ELP3: variants seen among roughly 807,000 people sequenced by gnomAD.
ELP3 encodes elongator complex protein 3.
A neutral mutation model predicts 74.9 loss-of-function variants in ELP3; 56 were observed. The observed-to-expected ratio is 0.75, with a 90% CI of 0.60 to 0.93. The LOEUF (loss-of-function observed/expected upper bound fraction) is 0.93, where lower values mean the gene tolerates loss of function less well. Among genes scored for constraint, ELP3 ranks in the 40% least tolerant of loss-of-function variants. ELP3 has a pLI of 0.00. For synonymous variants in ELP3, 222 were observed against 239.8 expected, an observed-to-expected ratio of 0.93 and a Z score of 0.68; for missense variants, 573 against 686.5, an observed-to-expected ratio of 0.83 and a Z score of 1.85.
chr8:28,152,277 G>C (rs968065405), intron 10 of ELP3, among the ~76,000 whole-genome samples: 4 of 152,184 alleles, frequency 2.6e-5, no homozygotes. Flanking sequence ...CCAGAAACTG[G>C]AAGTCCCTTC....
Position 28,160,376 on chromosome 8 carries a change from G to A in ELP3, c.1405G>A (p.Val469Ile). Residue 469 changes from valine to isoleucine, a missense_variant, in exon 13 of 15, where the codon GTC becomes ATC. Transcript: ENST00000256398. ...TTTCCGTTTCGAATTGGGTGGAGGT[G>A]TCTCCATAGTACGAGAGCTGCATGT... ...ETFRFELGGG[V>I]SIVRELHVYG... 1 of 1,614,194 alleles carries A rather than the reference G, an allele frequency of 6.2e-7. No individual in the cohort carries two copies. The highest frequency in any genetic ancestry group is 8.5e-7 in the Non-Finnish European group (1 of 1,180,030).
intron 14 of ELP3, among the ~76,000 whole-genome samples, chr8:28,163,579 T>C (rs1416675657): frequency 6.6e-6 from 1 of 152,094 alleles, no homozygotes; most frequent in Non-Finnish European, 1.5e-5. Flanking sequence ...TTTTCTGTTA[T>C]CTTTCATCGC....
chr8:28,119,240 A>G (rs1226052801), intron 7 of ELP3, among the ~76,000 whole-genome samples: 1 of 152,150 alleles, frequency 6.6e-6, no homozygotes, highest in Non-Finnish European at 1.5e-5. Context: ...ATAGGATACA[A>G]TCTTAGTCAC....
intron 10 of ELP3, among the ~76,000 whole-genome samples, chr8:28,153,043 C>G (rs1047929056): frequency 6.6e-6 from 1 of 151,926 alleles, no homozygotes; most frequent in African/African-American, 2.4e-5. Flanking sequence ...GGTCCTACAT[C>G]CTACCTTTGA....
chr8:28,097,661 G>T (rs1277619542), intron 2 of ELP3, among the ~76,000 whole-genome samples: 3 of 152,066 alleles, frequency 2.0e-5, no homozygotes, highest in African/African-American at 7.2e-5. Context: ...CTCCCAAAGT[G>T]CTGGGATTAC....
chr8:28,164,286 G>A (rs990960182), intron 14 of ELP3, among the ~76,000 whole-genome samples: 1 of 152,130 alleles, frequency 6.6e-6, no homozygotes, highest in Non-Finnish European at 1.5e-5. Flanking sequence ...ATCAGCATCT[G>A]CCCTCTTTCT....
upstream of ELP3, chr8:28,090,385 G>A (rs113517653): frequency 2.6e-6 from 1 of 381,480 alleles, no homozygotes; most frequent in Admixed American, 3.1e-5. Flanking sequence ...CGGTCTGGTG[G>A]TGAATCCTCC....
chr8:28,113,040 G>C lies in ELP3; in HGVS notation c.484G>C (p.Val162Leu). 6.2e-7 allele frequency: 1 copy of C among 1,613,478 alleles called. No individual in the cohort carries two copies. Among genetic ancestry groups the C allele is most frequent in the Non-Finnish European group, 8.5e-7 (1 of 1,179,754 alleles). The change falls in exon 7 of 15, where the codon GTG (valine) becomes CTG (leucine). Residue 162 changes from valine to leucine, a missense_variant. Val to Leu is a conservative substitution (Grantham distance 32). Coordinates refer to ENST00000256398, the MANE Select transcript of ELP3 (RefSeq NM_018091.6). ...IEQLKQLGHS[V>L]DKVEFIVMGG... ...TCAGTTAAAACAACTTGGTCATAGT[G>C]TGGATAAAGTGGAGTTTATTGTGAT...
rs934760697 is a variant in ELP3, at chr8:28,134,249, G to C, written c.906+1845G>C. 2.0e-5 allele frequency among the ~76,000 whole-genome samples: 3 copies of C among 152,138 alleles called. No individual in the cohort carries two copies. The East Asian group carries it at 5.8e-4, about 29-fold the overall frequency. ...AGTTTAAGTGCTCCTGAAAAATATA[G>C]TATGTTTCATACTGTAGGAAGCCAT... is the stretch of plus-strand genomic sequence containing the variant. On this transcript the variant is annotated intron_variant, in intron 9 of 14. Coordinates refer to ENST00000256398, the MANE Select transcript of ELP3 (RefSeq NM_018091.6).
intron 3 of ELP3, among the ~76,000 whole-genome samples, chr8:28,101,613 A>G (rs1811492059): frequency 6.8e-6 from 1 of 146,480 alleles, no homozygotes; most frequent in African/African-American, 2.5e-5. Flanking sequence ...TTTACCTGAG[A>G]CAGTCTTGTT....
At chr8:28,155,621 C>G (rs569590024) in intron 10 of ELP3, among the ~76,000 whole-genome samples, 1 of 152,322 alleles carries the variant, frequency 6.6e-6, no homozygotes, top group Non-Finnish European at 1.5e-5. Flanking sequence ...GTACAAATGT[C>G]TCTTTACTCA....
chr8:28,090,884 G>C (rs1305510713), upstream of ELP3, among the ~76,000 whole-genome samples: 2 of 150,032 alleles, frequency 1.3e-5, no homozygotes, highest in African/African-American at 2.4e-5. Context: ...GCTTCAGAGA[G>C]AATAGATTGT....
In ELP3 at chr8:28,158,646, A is replaced by T; in HGVS notation, c.1257+13A>T. The T allele has an allele frequency of 6.2e-7, 1 of 1,609,328 alleles. No individual in the cohort carries two copies. Among genetic ancestry groups the T allele is most frequent in the Non-Finnish European group, 8.5e-7 (1 of 1,176,272 alleles). The stretch of plus-strand genomic sequence containing the variant: ...ACGGCCATACCAGGTTAGTCTCTTC[A>T]TGTCATAGAGGGCCTAGGTACTGTC... On this transcript the variant is annotated intron_variant, in intron 12 of 14. Transcript: ENST00000256398.
intron 4 of ELP3, 21 bp from the exon 5 acceptor site, chr8:28,107,892 G>C (rs1811759193): frequency 2.5e-6 from 4 of 1,610,860 alleles, no homozygotes; most frequent in Non-Finnish European, 3.4e-6. Flanking sequence ...TGACATTCTT[G>C]TTCTTTTGTT....
intron 6 of ELP3, 198 bp downstream of exon 6, chr8:28,110,636 G>A (rs774405294): frequency 2.0e-6 from 1 of 505,794 alleles, no homozygotes; most frequent in African/African-American, 2.0e-5. Flanking sequence ...TTTAAAGACT[G>A]TATTTATTGT....
chr8:28,161,946 A>G, intron 13 of ELP3, 51 bp from the exon 14 acceptor site: 3 of 1,585,444 alleles, frequency 1.9e-6, no homozygotes, highest in Non-Finnish European at 2.6e-6. Context: ...GACCCCTCTT[A>G]ATGAACTTCC....
At position 28,097,017 on chromosome 8, in the gene ELP3, A is replaced by G. The variant is rs558589069; in HGVS notation, c.20-202A>G. 4.0e-4 allele frequency among the ~76,000 whole-genome samples: 61 copies of G among 152,326 alleles called. 1 individual carries two copies. The South Asian group carries it at 0.011, about 27-fold the overall frequency. ...TGTGCTTCTAAAGGGAGCTTTTCCCATATATATGTAAAGCCACGTTTGTTT... is the reference window on the plus strand; with the variant it reads ...TGTGCTTCTAAAGGGAGCTTTTCCCGTATATATGTAAAGCCACGTTTGTTT... On this transcript the variant is annotated intron_variant, in intron 1 of 14. Transcript: ENST00000256398.
At chr8:28,112,903 C>G in intron 6 of ELP3, 116 bp from the exon 7 acceptor site, 9 of 922,466 alleles carry the variant, frequency 9.8e-6, no homozygotes, top group Non-Finnish European at 1.4e-5. Context: ...TGTTTCATTA[C>G]TTCTGATTTT....
intron 5 of ELP3, among the ~76,000 whole-genome samples, chr8:28,108,284 G>A (rs1811776120): frequency 6.6e-6 from 1 of 152,038 alleles, no homozygotes. Flanking sequence ...ATCCCAGTTT[G>A]CCAATCAGGA....
Sources: gnomAD v4.1 joint callset for allele counts (sites outside exome capture counted in the v4.1 genomes callset) on GRCh38, gnomAD v4.1.1 for gene constraint, MANE v1.5 for transcripts, NCBI Gene and HGNC (gene_info 2026-07-23, HGNC 2026-07-21) for gene names.